Variants in SIPA1L3 observed in about 807,000 individuals in gnomAD.
The protein encoded by SIPA1L3 is signal-induced proliferation-associated 1-like protein 3.
A neutral mutation model predicts 150.1 loss-of-function variants in SIPA1L3; 59 were observed. That is an observed-to-expected ratio of 0.39 (90% CI 0.32 to 0.49). The LOEUF (loss-of-function observed/expected upper bound fraction) is 0.49. SIPA1L3 is among the 20% of genes least tolerant of loss of function. SIPA1L3 has a pLI of 0.86. For synonymous variants in SIPA1L3, 1,070 were observed against 1,077.6 expected (o/e 0.99, Z 0.14); for missense variants, 2,211 against 2,489.5 (o/e 0.89, Z 2.38).
At chr19:38,076,801 A>C (rs1045742022) in intron 2 of SIPA1L3, among the ~76,000 whole-genome samples, 12 of 152,228 alleles carry the variant, frequency 7.9e-5, no homozygotes, top group Admixed American at 2.0e-4. Context: ...GACCATCGTA[A>C]AAAATGAAAA....
chr19:38,205,444 C>G (rs1386180161), intron 21 of SIPA1L3, among the ~76,000 whole-genome samples: 1 of 104,422 alleles, frequency 9.6e-6, no homozygotes, highest in Non-Finnish European at 1.9e-5. Context: ...GCGACAAGAG[C>G]AAAACCCAGT....
At position 38,119,331 on chromosome 19, in the gene SIPA1L3, G is replaced by T. The variant is rs763529744; in HGVS notation, c.2317G>T (p.Ala773Ser). 2 of 1,613,870 alleles carry T rather than the reference G, an allele frequency of 1.2e-6. No homozygotes were observed. The highest frequency in any genetic ancestry group is 1.7e-6 in the Non-Finnish European group (2 of 1,179,938). ...TATGGCTGTGACCCGATCCAAAGAC[G>T]CTCCTCCTTTCGGCCCCCCCATCCC... Reference protein sequence around the residue: ...YSMAVTRSKDAPPFGPPIPSG... With the variant: ...YSMAVTRSKDSPPFGPPIPSG... Residue 773 changes from alanine to serine, a missense_variant, in exon 9 of 22, where the codon GCT (alanine) becomes TCT (serine). Ala to Ser is a moderately conservative substitution (Grantham distance 99, BLOSUM62 1). Transcript: ENST00000222345.
chr19:38,132,219 A>G (rs1219963445), intron 10 of SIPA1L3, among the ~76,000 whole-genome samples: 1 of 152,206 alleles, frequency 6.6e-6, no homozygotes, highest in Non-Finnish European at 1.5e-5. Context: ...AGCCTGGGCA[A>G]CAGAGGGAGA....
chr19:38,001,234 G>A (rs1967801909), intron 1 of SIPA1L3, among the ~76,000 whole-genome samples: 1 of 151,780 alleles, frequency 6.6e-6, no homozygotes, highest in African/African-American at 2.4e-5. Context: ...CCTTCCTTAA[G>A]GTGTACTTGA....
chr19:38,118,836 CTTT>C (rs1391381928), intron 8 of SIPA1L3, among the ~76,000 whole-genome samples: 6 of 152,092 alleles, frequency 3.9e-5, no homozygotes, highest in Admixed American at 1.3e-4. Flanking sequence ...GCCCAGCCGA[CTTT>C]TTATTAGATT....
At chr19:37,964,175 T>C (rs1384050097) in intron 1 of SIPA1L3, 1 of 152,080 alleles carries the variant, frequency 6.6e-6, no homozygotes, top group African/African-American at 2.4e-5. Flanking sequence ...CTCAACACTT[T>C]GGGAGGTGGA....
chr19:37,963,391 C>CTCA lies in SIPA1L3; in HGVS notation c.-379+56034_-379+56035insCAT, dbSNP rs879865178. ...TGTGTGGCTATCTCATTCCCTGGAT[C>CTCA]TTCCTGCTAAATTTCTGGCTGGTCT... On this transcript the variant is annotated intron_variant, in intron 1 of 21. Coordinates refer to ENST00000222345, the MANE Select transcript of SIPA1L3 (RefSeq NM_015073.3). Among the ~76,000 whole-genome samples the CTCA allele has an allele frequency of 5.1e-3, 776 of 152,358 alleles. 9 individuals are homozygous for CTCA. The highest frequency in any genetic ancestry group is 0.017 in the African/African-American group (721 of 41,578).
chr19:38,094,550 T>C (rs1654363), intron 4 of SIPA1L3, among the ~76,000 whole-genome samples: 84,056 of 152,012 alleles, frequency 0.55, 24,116 homozygotes, highest in East Asian at 0.75. Context: ...TGCACCTGGC[T>C]GTGTGTATGT....
At chr19:38,091,903 C>CA (rs36082931) in intron 4 of SIPA1L3, among the ~76,000 whole-genome samples, 3,875 of 144,496 alleles carry the variant, frequency 0.027, 72 homozygotes, top group Non-Finnish European at 0.044. Context: ...ACTACAAATA[C>CA]AAAAAAAAAA....
chr19:38,065,225 G>A (rs538482761), intron 2 of SIPA1L3, among the ~76,000 whole-genome samples: 29 of 152,180 alleles, frequency 1.9e-4, no homozygotes, highest in Admixed American at 1.2e-3. Context: ...CTCTGCGTGG[G>A]AGCCTGTCGC....
At chr19:38,053,181 A>C (rs1969237121) in intron 2 of SIPA1L3, among the ~76,000 whole-genome samples, 1 of 152,228 alleles carries the variant, frequency 6.6e-6, no homozygotes, top group African/African-American at 2.4e-5. Context: ...CCAGATACAC[A>C]AACAGGGAAG....
In SIPA1L3 at chr19:38,162,338, A is replaced by T; in HGVS notation, c.3747A>T (p.Ala1249=). ...SGNKHPSRQD[A]AGKDSPNRHS... is the part of the protein sequence containing the mutation. ...ACAAGCACCCGTCCAGGCAGGATGCAGCAGGCAAAGATTCCCCCAACAGGC... is the reference window on the plus strand; with the variant it reads ...ACAAGCACCCGTCCAGGCAGGATGCTGCAGGCAAAGATTCCCCCAACAGGC... Residue 1249 remains alanine (A), a synonymous_variant, in exon 14 of 22, where the codon GCA becomes GCT. Transcript: ENST00000222345. 6.2e-7 allele frequency: 1 copy of T among 1,614,194 alleles called. No individual in the cohort carries two copies. Among genetic ancestry groups the T allele is most frequent in the East Asian group, 2.2e-5 (1 of 44,874 alleles).
rs904810278 is a variant in SIPA1L3, at chr19:38,047,750, C to T, written c.-311+18594C>T. 4.6e-5 allele frequency among the ~76,000 whole-genome samples: 7 copies of T among 152,144 alleles called. No individual in the cohort carries two copies. Among genetic ancestry groups the T allele is most frequent in the Admixed American group, 3.9e-4 (6 of 15,278 alleles). Reference sequence around the variant, plus strand: ...AGCCAGGTCTCCTCATGGAGGGCCTCGGACCACGTGTCATTTTAGAGACCC... The same window carrying T: ...AGCCAGGTCTCCTCATGGAGGGCCTTGGACCACGTGTCATTTTAGAGACCC... On this transcript the variant is annotated intron_variant, in intron 2 of 21. Coordinates refer to ENST00000222345, the MANE Select transcript of SIPA1L3 (RefSeq NM_015073.3). This position sits in a 1 kb window ranked among gnomAD's most constrained non-coding sequence, Gnocchi z 4.7.
At chr19:38,077,798 G>A (rs774204167) in intron 2 of SIPA1L3, among the ~76,000 whole-genome samples, 35 of 147,330 alleles carry the variant, frequency 2.4e-4, no homozygotes, top group Non-Finnish European at 4.2e-4. Flanking sequence ...AGCCTCCCAC[G>A]TAGCTGGGAC....
intron 2 of SIPA1L3, among the ~76,000 whole-genome samples, chr19:38,033,735 T>TA (rs1968711068): frequency 6.6e-5 from 10 of 152,072 alleles, no homozygotes; most frequent in Admixed American, 6.6e-4. Context: ...GGGGAGTAGA[T>TA]ACAGCTGAAA....
At chr19:38,151,226 A>C (rs972295666) in intron 12 of SIPA1L3, among the ~76,000 whole-genome samples, 6 of 152,124 alleles carry the variant, frequency 3.9e-5, no homozygotes, top group Non-Finnish European at 7.4e-5. Context: ...GGGCAGACTT[A>C]CCCCATTTCA....
intron 16 of SIPA1L3, among the ~76,000 whole-genome samples, chr19:38,189,147 TTTTTTTTGAGACAGGCTCTCACTGTCAC>T (rs1357678833): frequency 6.6e-6 from 1 of 151,468 alleles, no homozygotes; most frequent in Non-Finnish European, 1.5e-5. Context: ...TCTTTTTTTT[TTTTTTTTGAGACAGGCTCTCACTGTCAC>T]CCAGGCTGGA....
At chr19:38,198,582 C>G (rs745662855) in intron 19 of SIPA1L3, 50 bp downstream of exon 19, 27 of 1,397,340 alleles carry the variant, frequency 1.9e-5, no homozygotes, top group Non-Finnish European at 2.4e-5. Flanking sequence ...GTCCTCTGTT[C>G]TAGAGGGATT....
intron 9 of SIPA1L3, among the ~76,000 whole-genome samples, chr19:38,124,828 C>T (rs993649317): frequency 1.3e-5 from 2 of 152,126 alleles, no homozygotes; most frequent in African/African-American, 2.4e-5. Context: ...AGCGAAACCC[C>T]GTCTCCACCA....
Sources: allele counts gnomAD v4.1 joint callset (sites outside exome capture counted in the v4.1 genomes callset), GRCh38; gene constraint gnomAD v4.1.1; non-coding constraint Gnocchi (gnomAD v3.1); transcripts MANE v1.5; gene names NCBI Gene and HGNC (gene_info 2026-07-23, HGNC 2026-07-21).